TOX: variants seen among roughly 807,000 people sequenced by gnomAD.
TOX encodes the protein thymocyte selection-associated high mobility group box protein TOX.
Under a neutral mutation model 53.7 loss-of-function variants are expected in TOX, and 11 were observed. The ratio of observed to expected loss-of-function variants is 0.20; its 90% CI spans 0.13 to 0.34. The LOEUF (loss-of-function observed/expected upper bound fraction) is 0.34, where lower values mean the gene tolerates loss of function less well. Ranked by LOEUF, TOX falls within the 10% of genes least tolerant of loss-of-function variation. TOX has a pLI of 1.00. For synonymous variants in TOX, 225 were observed against 245.3 expected (o/e 0.92, Z 0.77); for missense variants, 570 against 664.6 (o/e 0.86, Z 1.56).
Position 58,939,365 on chromosome 8 carries a change from A to C in TOX, c.348T>G (p.Pro116=). The change falls in exon 3 of 9, where the codon CCT becomes CCG. Residue 116 remains proline (P), a synonymous_variant. Transcript: ENST00000361421. ...CCAGCATATTGGAGACTGTGATTTC[A>C]GGGAGGTCCATGTTTTGTGGATGAA... ...LPFHPQNMDL[P]EITVSNMLGQ... The C allele has an allele frequency of 6.2e-7, 1 of 1,614,160 alleles. No homozygotes were observed. The highest frequency in any genetic ancestry group is 8.5e-7 in the Non-Finnish European group (1 of 1,180,026).
intron 1 of TOX, among the ~76,000 whole-genome samples, chr8:59,059,644 A>G (rs1803943939): frequency 6.6e-6 from 1 of 152,206 alleles, no homozygotes; most frequent in South Asian, 2.1e-4. Flanking sequence ...TGCAGAATGG[A>G]TTACATTATT....
At chr8:58,985,970 C>A (rs1311650820) in intron 1 of TOX, among the ~76,000 whole-genome samples, 1 of 152,148 alleles carries the variant, frequency 6.6e-6, no homozygotes, top group Non-Finnish European at 1.5e-5. Context: ...TAATAAATCT[C>A]ATAATGAGCA....
chr8:58,887,267 T>A (rs1811484383), intron 3 of TOX, among the ~76,000 whole-genome samples: 1 of 151,958 alleles, frequency 6.6e-6, no homozygotes, highest in Admixed American at 6.6e-5. Context: ...TTTAGTTTTA[T>A]TTTTGTGTGT....
intron 1 of TOX, among the ~76,000 whole-genome samples, chr8:59,066,980 C>T (rs1419766413): frequency 6.6e-6 from 1 of 152,192 alleles, no homozygotes; most frequent in Non-Finnish European, 1.5e-5. Context: ...CCACAGAACA[C>T]TAATGTGCCT....
At chr8:59,022,799 G>A (rs1406672279) in intron 1 of TOX, among the ~76,000 whole-genome samples, 1 of 152,120 alleles carries the variant, frequency 6.6e-6, no homozygotes, top group African/African-American at 2.4e-5. Context: ...AGGAATGAAA[G>A]GCCAGTATAT....
At chr8:58,824,710 T>C (rs1810338073) in intron 6 of TOX, among the ~76,000 whole-genome samples, 1 of 152,234 alleles carries the variant, frequency 6.6e-6, no homozygotes, top group African/African-American at 2.4e-5. Flanking sequence ...AATCATTTAT[T>C]AGTTTATGTT....
chr8:59,039,189 T>C (rs571734925), intron 1 of TOX, among the ~76,000 whole-genome samples: 167 of 152,364 alleles, frequency 1.1e-3, no homozygotes, highest in African/African-American at 3.9e-3. Context: ...AGTGGACTTA[T>C]CTAAAAAAGT....
intron 3 of TOX, among the ~76,000 whole-genome samples, chr8:58,921,722 A>G (rs1030420000): frequency 1.3e-5 from 2 of 152,240 alleles, no homozygotes; most frequent in African/African-American, 4.8e-5. Flanking sequence ...ACCAGATCTT[A>G]CTAAAACCCA....
chr8:59,106,676 G>C (rs892212308), intron 1 of TOX, among the ~76,000 whole-genome samples: 1 of 152,094 alleles, frequency 6.6e-6, no homozygotes, highest in African/African-American at 2.4e-5. Flanking sequence ...CACATGATAC[G>C]CAATTAAAAT....
rs540106969 is a variant in TOX at position 59,054,960 on chromosome 8, G to A, written c.102+63926C>T. On this transcript the variant is annotated intron_variant, in intron 1 of 8. Transcript: ENST00000361421. ...AAAGAAAGGAAAAAGAGAGGAGGGA[G>A]GGAGGAAGGAAGGGACGGAGGGAGG... is the stretch of plus-strand genomic sequence containing the variant. Among the ~76,000 whole-genome samples, 5 of 144,124 alleles carry A rather than the reference G, an allele frequency of 3.5e-5. No individual in the cohort carries two copies. In the South Asian group the frequency reaches 1.1e-3, roughly 33 times the overall value. The allele number at this position is 144,124 out of a possible 152,430, so 94.6% of individuals were successfully genotyped here. A position where few individuals can be genotyped will look rare whatever the true frequency, so the allele number is the denominator to read the frequency against.
rs950337532 is a variant in TOX at position 58,848,701 on chromosome 8, A to G, written c.693+2823T>C. 4.6e-5 allele frequency among the ~76,000 whole-genome samples: 7 copies of G among 152,130 alleles called. 1 individual carries two copies. Among genetic ancestry groups the G allele is most frequent in the Admixed American group, 3.3e-4 (5 of 15,264 alleles). ...TTTCTTTGATGCTTTACTGTGTCTCATTATGACTTAAGGCTGTCAACACAG... is the reference window on the plus strand; with the variant it reads ...TTTCTTTGATGCTTTACTGTGTCTCGTTATGACTTAAGGCTGTCAACACAG... On this transcript the variant is annotated intron_variant, in intron 4 of 8. Coordinates refer to ENST00000361421, the MANE Select transcript of TOX (RefSeq NM_014729.3).
At chr8:58,967,165 C>T (rs763463569) in intron 1 of TOX, among the ~76,000 whole-genome samples, 5 of 152,284 alleles carry the variant, frequency 3.3e-5, no homozygotes, top group Non-Finnish European at 5.9e-5. Flanking sequence ...TGAGCCACCA[C>T]ACCCGGCCAA....
chr8:59,087,790 C>T (rs961798600), intron 1 of TOX, among the ~76,000 whole-genome samples: 3 of 152,232 alleles, frequency 2.0e-5, no homozygotes, highest in Admixed American at 6.5e-5. Flanking sequence ...TACCACATGC[C>T]TTCCCAGTTA....
intron 3 of TOX, among the ~76,000 whole-genome samples, chr8:58,903,590 C>A (rs1435805549): frequency 6.6e-6 from 1 of 152,128 alleles, no homozygotes; most frequent in Non-Finnish European, 1.5e-5. Flanking sequence ...CAGGAATATT[C>A]ATCTTTGCTT....
chr8:58,972,652 C>T (rs2129179813), intron 1 of TOX, among the ~76,000 whole-genome samples: 1 of 152,226 alleles, frequency 6.6e-6, no homozygotes, highest in East Asian at 1.9e-4. Flanking sequence ...ATTACATAAC[C>T]TAGCTAGATA....
intron 1 of TOX, among the ~76,000 whole-genome samples, chr8:59,029,456 G>A (rs1358070193): frequency 1.3e-5 from 2 of 152,114 alleles, no homozygotes; most frequent in African/African-American, 4.8e-5. Flanking sequence ...CAGTGAAAAT[G>A]TCAGACAGTG....
intron 1 of TOX, among the ~76,000 whole-genome samples, chr8:58,989,315 CAA>C (rs144152695): frequency 1.4e-5 from 2 of 140,722 alleles, no homozygotes; most frequent in Non-Finnish European, 3.1e-5. Context: ...GACTCTATCT[CAA>C]AAAAAAAAAA....
At chr8:58,895,368 T>C (rs1811626374) in intron 3 of TOX, among the ~76,000 whole-genome samples, 1 of 152,208 alleles carries the variant, frequency 6.6e-6, no homozygotes, top group South Asian at 2.1e-4. Context: ...ATGAATACAA[T>C]TATATATAAG....
At chr8:58,838,916 G>A (rs886165716) in intron 4 of TOX, among the ~76,000 whole-genome samples, 1 of 151,974 alleles carries the variant, frequency 6.6e-6, no homozygotes, top group Non-Finnish European at 1.5e-5. Flanking sequence ...TGGCCAGGAT[G>A]GTCTCGATCT....
Sources: gnomAD v4.1 joint callset for allele counts (sites outside exome capture counted in the v4.1 genomes callset) on GRCh38, gnomAD v4.1.1 for gene constraint, MANE v1.5 for transcripts, NCBI Gene and HGNC (gene_info 2026-07-23, HGNC 2026-07-21) for gene names.